EDAR: variants seen among roughly 807,000 people sequenced by gnomAD.
The protein encoded by EDAR is tumor necrosis factor receptor superfamily member EDAR.
In EDAR, 38 loss-of-function variants were observed where a neutral mutation model predicts 51.3. The observed-to-expected ratio is 0.74, with a 90% CI of 0.57 to 0.97. The LOEUF (loss-of-function observed/expected upper bound fraction) is 0.97, where lower values mean the gene tolerates loss of function less well. Ranked by LOEUF, EDAR falls within the 50% of genes least tolerant of loss-of-function variation. The pLI is 0.00. For synonymous variants in EDAR, 227 were observed against 242.1 expected (o/e 0.94, Z 0.58); for missense variants, 528 against 595.0 (o/e 0.89, Z 1.17).
At chr2:108,961,513 T>C (rs560922279) in intron 1 of EDAR, among the ~76,000 whole-genome samples, 3 of 152,340 alleles carry the variant, frequency 2.0e-5, no homozygotes, top group South Asian at 2.1e-4. Context: ...GAGCTCCTGG[T>C]TCCCGCTGCC....
rs906230781 is a variant in EDAR at position 108,948,988 on chromosome 2, A to G, written c.-18-17956T>C. 2.0e-5 allele frequency among the ~76,000 whole-genome samples: 3 copies of G among 152,048 alleles called. No homozygotes were observed. In the East Asian group the frequency reaches 5.8e-4, roughly 29 times the overall value. ...AAAAAAATTAGTTAAAAACACATAC[A>G]TGTTTTTAGGCAGAGTCTCACTCTG... On this transcript the variant is annotated intron_variant, in intron 1 of 11. Transcript: ENST00000258443.
At position 108,930,200 on chromosome 2, in the gene EDAR, C is replaced by A. The variant is rs201793571; in HGVS notation, c.94G>T (p.Gly32Cys). Residue 32 changes from glycine (G) to cysteine (C), a missense_variant, in exon 3 of 12, where the codon GGT (glycine) becomes TGT (cysteine). Gly to Cys is a radical substitution (Grantham distance 159). Coordinates refer to ENST00000258443, the MANE Select transcript of EDAR (RefSeq NM_022336.4). The stretch of plus-strand genomic sequence containing the variant: ...GTCTGGTTGTAGTACTCGTTCTCAC[C>A]GCAGTTTGAGTATTCCGCTCGGGCT... ...CSARAEYSNCGENEYYNQTTG... is the reference protein window; with the variant it reads ...CSARAEYSNCCENEYYNQTTG... 1.9e-6 allele frequency: 3 copies of A among 1,613,978 alleles called. No homozygotes were observed. The East Asian group carries it at 6.7e-5, about 36-fold the overall frequency.
intron 1 of EDAR, among the ~76,000 whole-genome samples, chr2:108,935,990 C>T (rs1697462026): frequency 6.6e-6 from 1 of 152,238 alleles, no homozygotes; most frequent in African/African-American, 2.4e-5. Context: ...CTCCAGAGCA[C>T]AGACAGTGCC....
At chr2:108,979,920 G>A (rs997645090) in intron 1 of EDAR, among the ~76,000 whole-genome samples, 1 of 152,076 alleles carries the variant, frequency 6.6e-6, no homozygotes, top group Non-Finnish European at 1.5e-5. Context: ...TGGGAAGCAG[G>A]GTGCTGTGGC....
intron 1 of EDAR, among the ~76,000 whole-genome samples, chr2:108,986,034 G>C (rs971798310): frequency 2.0e-5 from 3 of 152,176 alleles, no homozygotes; most frequent in Non-Finnish European, 2.9e-5. Context: ...GACTGTACAG[G>C]GTCAGCTATC....
intron 1 of EDAR, among the ~76,000 whole-genome samples, chr2:108,957,122 G>T (rs1315385323): frequency 6.6e-6 from 1 of 152,242 alleles, no homozygotes; most frequent in Non-Finnish European, 1.5e-5. Context: ...GGGACTTGCA[G>T]TTCTACACTT....
chr2:108,933,630 G>T (rs1426362592), intron 1 of EDAR, among the ~76,000 whole-genome samples: 1 of 152,214 alleles, frequency 6.6e-6, no homozygotes, highest in East Asian at 1.9e-4. Context: ...CACACTGCCT[G>T]CACTTTAGTG....
chr2:108,910,791 TCTC>T lies in EDAR; in HGVS notation c.712_714del (p.Glu238del), dbSNP rs755113054. 8 of 1,612,996 alleles carry T rather than the reference TCTC, an allele frequency of 5.0e-6. No homozygotes were observed. Among genetic ancestry groups the T allele is most frequent in the South Asian group, 2.2e-5 (2 of 91,028 alleles). On this transcript the variant is annotated inframe_deletion, in exon 8 of 12. Transcript: ENST00000258443. ...GTTCACAGACCTGGGGCCTCTTTCTTCTCCTCGTCCTTGCTCACTTGGGCCTCC... is the reference window on the plus strand; with the variant it reads ...GTTCACAGACCTGGGGCCTCTTTCTTCTCGTCCTTGCTCACTTGGGCCTCC...
chr2:108,909,201 G>A (rs72836548), intron 9 of EDAR, among the ~76,000 whole-genome samples: 2,538 of 152,288 alleles, frequency 0.017, 33 homozygotes, highest in South Asian at 0.05. Context: ...CATGGGGCAC[G>A]TCTCTGCCTT....
intron 5 of EDAR, among the ~76,000 whole-genome samples, chr2:108,917,021 G>A (rs1040861587): frequency 8.5e-5 from 13 of 152,200 alleles, no homozygotes; most frequent in African/African-American, 2.7e-4. Flanking sequence ...CCCTGCGCTC[G>A]GAGCTCGGCA....
At chr2:108,962,096 G>A (rs1390016152) in intron 1 of EDAR, among the ~76,000 whole-genome samples, 2 of 152,178 alleles carry the variant, frequency 1.3e-5, no homozygotes, top group Non-Finnish European at 2.9e-5. Context: ...CCACAAAGAT[G>A]TCCAAGTGAG....
chr2:108,931,345 C>A (rs1327063413), intron 1 of EDAR, among the ~76,000 whole-genome samples: 1 of 152,158 alleles, frequency 6.6e-6, no homozygotes, highest in African/African-American at 2.4e-5. Context: ...AGAAACCTAG[C>A]CTTACATGAG....
At chr2:108,926,309 C>A (rs1488394769) in intron 4 of EDAR, among the ~76,000 whole-genome samples, 1 of 152,188 alleles carries the variant, frequency 6.6e-6, no homozygotes, top group South Asian at 2.1e-4. Context: ...AGCCCCCCAA[C>A]CCCTGTTCTA....
chr2:108,903,149 C>CA (rs1340936506), intron 11 of EDAR, among the ~76,000 whole-genome samples: 1 of 151,782 alleles, frequency 6.6e-6, no homozygotes, highest in Non-Finnish European at 1.5e-5. Context: ...TACAGTGGCT[C>CA]AAAAAATAAA....
rs1210632362 is a variant in EDAR at position 108,929,197 on chromosome 2, C to T, written c.356+1G>A. On this transcript the variant is annotated splice_donor_variant, in intron 4 of 11. Transcript: ENST00000258443. LOFTEE classifies it high-confidence loss of function. ...GGTTTGCCAGGAGGGCCTGTGCTTA[C>T]CCAGGGAGGCAAGGGCCACACTCAG... is the stretch of plus-strand genomic sequence containing the variant. 1 of 1,613,966 alleles carries T rather than the reference C, an allele frequency of 6.2e-7. No homozygotes were observed. Among genetic ancestry groups the T allele is most frequent in the Non-Finnish European group, 8.5e-7 (1 of 1,180,042 alleles).
chr2:108,957,379 G>C (rs1697946229), intron 1 of EDAR, among the ~76,000 whole-genome samples: 1 of 152,342 alleles, frequency 6.6e-6, no homozygotes, highest in East Asian at 1.9e-4. Flanking sequence ...TAGGAAGTCG[G>C]GGGCAGGTAA....
At chr2:108,964,410 G>A (rs970299033) in intron 1 of EDAR, among the ~76,000 whole-genome samples, 5 of 152,114 alleles carry the variant, frequency 3.3e-5, no homozygotes, top group African/African-American at 1.2e-4. Flanking sequence ...GACGAAAAGG[G>A]ATCAGGTCAT....
chr2:108,940,545 C>T (rs1250706223), intron 1 of EDAR, among the ~76,000 whole-genome samples: 1 of 152,238 alleles, frequency 6.6e-6, no homozygotes, highest in Non-Finnish European at 1.5e-5. Flanking sequence ...TGCCTGAGCC[C>T]CAGATCGGGC....
intron 1 of EDAR, among the ~76,000 whole-genome samples, chr2:108,982,238 T>C (rs1213479852): frequency 1.3e-5 from 2 of 152,108 alleles, no homozygotes; most frequent in Admixed American, 1.3e-4. Context: ...TGTTCCAGGG[T>C]AAACAGGAAA....
Sources: allele counts gnomAD v4.1 joint callset (sites outside exome capture counted in the v4.1 genomes callset), GRCh38; gene constraint gnomAD v4.1.1; transcripts MANE v1.5; gene names NCBI Gene and HGNC (gene_info 2026-07-23, HGNC 2026-07-21).